Variants in IRX2 observed in about 807,000 individuals in gnomAD.
The protein encoded by IRX2 is iroquois homeobox 2.
Under a neutral mutation model 42.9 loss-of-function variants are expected in IRX2, and 26 were observed. The ratio of observed to expected loss-of-function variants is 0.61; its 90% confidence interval spans 0.44 to 0.84. The LOEUF (loss-of-function observed/expected upper bound fraction) is 0.84. Ranked by LOEUF, IRX2 falls within the 40% of genes least tolerant of loss-of-function variation. The pLI, the probability that IRX2 is intolerant of heterozygous loss-of-function variation, is 0.00. For synonymous variants in IRX2, 424 were observed against 353.9 expected, an observed-to-expected ratio of 1.20 and a Z score of -2.22; for missense variants, 782 against 713.9, an observed-to-expected ratio of 1.10 and a Z score of -1.09.
At position 2,748,816 on chromosome 5, in the gene IRX2, G is replaced by A. The variant is rs1560949733; in HGVS notation, c.892C>T (p.Pro298Ser). The A allele has an allele frequency of 5.3e-6, 8 of 1,497,436 alleles. No individual in the cohort carries two copies. Among genetic ancestry groups the A allele is most frequent in the Non-Finnish European group, 7.1e-6 (8 of 1,133,824 alleles). 92.8% of individuals were successfully genotyped at this position (1,497,436 alleles called of 1,614,324 possible). ...LTGLEAPLLSPPPEAAPRGGR... is the reference protein window; with the variant it reads ...LTGLEAPLLSSPPEAAPRGGR... ...CCGCGGGGCGCGGCCTCGGGCGGGG[G>A]GCTCAGCAGCGGCGCCTCCAAGCCG... Residue 298 changes from proline (P) to serine (S), a missense_variant, in exon 3 of 4, where the codon CCC (proline) becomes TCC (serine). Physicochemically the swap from Pro to Ser is moderately conservative, Grantham distance 74. This residue lies in a region of IRX2 where 520 missense variants were observed against 437.8 expected (regional missense o/e 1.19). Coordinates refer to ENST00000302057, the MANE Select transcript of IRX2 (RefSeq NM_033267.5).
chr5:2,751,416 TGGGCGCG>T lies in IRX2; in HGVS notation c.-10_-4del, dbSNP rs754479111. ...AGGTAGCCCTGCGGGTAGGACATGG[TGGGCGCG>T]GGGCGCGGGGCCCGCGTCACGCCGA... On this transcript the variant is annotated 5_prime_UTR_variant, in exon 1 of 4. Coordinates refer to ENST00000302057, the MANE Select transcript of IRX2 (RefSeq NM_033267.5). The surrounding 1 kb of genome is among the most constrained non-coding windows in gnomAD (Gnocchi z 4.0). The T allele has an allele frequency of 1.1e-5, 15 of 1,326,370 alleles. No homozygotes were observed. The highest frequency in any genetic ancestry group is 2.9e-4 in the Middle Eastern group (1 of 3,480). The allele number at this position is 1,326,370 out of a possible 1,614,324, so 82.2% of individuals were successfully genotyped here.
chr5:2,744,425 G>C (rs1481078654), downstream of IRX2, among the ~76,000 whole-genome samples: 1 of 152,092 alleles, frequency 6.6e-6, no homozygotes, highest in Non-Finnish European at 1.5e-5. Context: ...TTTATTTCCT[G>C]CTGATTTAGG....
At chr5:2,744,073 C>CGTGTGT (rs10547927), downstream of IRX2, among the ~76,000 whole-genome samples, 434 of 140,164 alleles carry the variant, frequency 3.1e-3, 4 homozygotes, top group East Asian at 4.9e-3. Context: ...AGAATGGAGT[C>CGTGTGT]GTGTGTGTGT....
the IRX2 span, among the ~76,000 whole-genome samples, chr5:2,738,385 AT>A: frequency 1.3e-5 from 2 of 152,156 alleles, no homozygotes; most frequent in Non-Finnish European, 2.9e-5. Flanking sequence ...TATAAAACAA[AT>A]TGTTTTTCCA....
At chr5:2,739,026 C>T in the IRX2 span, among the ~76,000 whole-genome samples, 1 of 152,236 alleles carries the variant, frequency 6.6e-6, no homozygotes, top group Non-Finnish European at 1.5e-5. Flanking sequence ...CCGCTGACTC[C>T]GCTGTGTCCC....
At chr5:2,735,925 T>C in the IRX2 span, among the ~76,000 whole-genome samples, 1 of 152,170 alleles carries the variant, frequency 6.6e-6, no homozygotes, top group African/African-American at 2.4e-5. Context: ...GAGGTTAAAA[T>C]GAAGTAGAAA....
Position 2,748,966 on chromosome 5 carries a change from G to C in IRX2, c.742C>G (p.Pro248Ala). ...GEKLPCRAGD[P>A]LCESGSECKD... Reference sequence around the variant, plus strand: ...CACTCCGAGCCCGATTCGCACAGGGGGTCCCCGGCGCGGCACGGAAGCTTC... The same window carrying C: ...CACTCCGAGCCCGATTCGCACAGGGCGTCCCCGGCGCGGCACGGAAGCTTC... Residue 248 changes from proline to alanine, a missense_variant, in exon 3 of 4, where the codon CCC becomes GCC. Pro to Ala is a conservative substitution (Grantham distance 27). Around this residue, in one of 3 missense-constraint regions of IRX2, gnomAD observed 520 missense variants for 437.8 expected, o/e 1.19. Coordinates refer to ENST00000302057, the MANE Select transcript of IRX2 (RefSeq NM_033267.5). 6.3e-7 allele frequency: 1 copy of C among 1,597,166 alleles called. No homozygotes were observed. The highest frequency in any genetic ancestry group is 8.5e-7 in the Non-Finnish European group (1 of 1,179,434).
chr5:2,744,419 T>C (rs981822042), downstream of IRX2, among the ~76,000 whole-genome samples: 1 of 152,208 alleles, frequency 6.6e-6, no homozygotes, highest in African/African-American at 2.4e-5. Flanking sequence ...GTGCAATTTA[T>C]TTCCTGCTGA....
At chr5:2,748,012 A>C (rs1037634666) in intron 3 of IRX2, among the ~76,000 whole-genome samples, 2 of 152,338 alleles carry the variant, frequency 1.3e-5, no homozygotes, top group South Asian at 4.2e-4. Context: ...CCTTAACAAG[A>C]CACCGAAACA....
At chr5:2,748,096 C>T (rs1281946168) in intron 3 of IRX2, among the ~76,000 whole-genome samples, 2 of 152,058 alleles carry the variant, frequency 1.3e-5, no homozygotes, top group East Asian at 3.9e-4. Context: ...ACTAAGACAG[C>T]CACGATAGTA....
chr5:2,736,557 A>C, the IRX2 span: 1 of 152,228 alleles, frequency 6.6e-6, no homozygotes, highest in African/African-American at 2.4e-5. Flanking sequence ...ATTTGCTATC[A>C]ATTTTTGATG....
the IRX2 span, chr5:2,736,753 C>T: frequency 1.3e-5 from 2 of 152,036 alleles, no homozygotes; most frequent in African/African-American, 4.8e-5. Flanking sequence ...TATTTTTTTG[C>T]AAATCCTAAC....
At chr5:2,736,244 C>G in the IRX2 span, among the ~76,000 whole-genome samples, 1 of 152,198 alleles carries the variant, frequency 6.6e-6, no homozygotes, top group Non-Finnish European at 1.5e-5. Context: ...GCCTTGCCCT[C>G]CACTGGGCCC....
rs1234401603 is a variant in IRX2 at position 2,747,293 on chromosome 5, A to C, written c.*271T>G. 1.3e-5 allele frequency: 3 copies of C among 231,014 alleles called. No homozygotes were observed. Among genetic ancestry groups the C allele is most frequent in the Non-Finnish European group, 2.5e-5 (3 of 121,414 alleles). 14.3% of individuals were successfully genotyped at this position (231,014 alleles called of 1,614,324 possible). A position where few individuals can be genotyped will look rare whatever the true frequency, so the allele number is the denominator to read the frequency against. On this transcript the variant is annotated 3_prime_UTR_variant, in exon 4 of 4. Coordinates refer to ENST00000302057, the MANE Select transcript of IRX2 (RefSeq NM_033267.5). ...ATATATATACATATATATATTACAC[A>C]CACACACACACACATATATATATAT...
Position 2,746,344 on chromosome 5 carries a change from A to G in IRX2, c.*1220T>C, listed in dbSNP as rs922646941. On this transcript the variant is annotated 3_prime_UTR_variant, in exon 4 of 4. Transcript: ENST00000302057. Reference sequence around the variant, plus strand: ...ACTTGCATAAATTACTAGAAGCTTTATATCATTATAAAAATAAATATCAAA... The same window carrying G: ...ACTTGCATAAATTACTAGAAGCTTTGTATCATTATAAAAATAAATATCAAA... 1.3e-5 allele frequency: 2 copies of G among 152,230 alleles called. No individual in the cohort carries two copies. Among genetic ancestry groups the G allele is most frequent in the Admixed American group, 1.3e-4 (2 of 15,280 alleles). 9.4% of individuals were successfully genotyped at this position (152,230 alleles called of 1,614,324 possible).
rs1438215021 is a variant in IRX2 at position 2,748,342 on chromosome 5, T to C, written c.1363+3A>G. On this transcript the variant is annotated splice_donor_region_variant and intron_variant, in intron 3 of 3. Transcript: ENST00000302057. ...CGGGCGCCGCCGGCCGCGGGCCGCC[T>C]ACCTTTCTTGGGCTCGTAGCCGCCG... 7.0e-7 allele frequency: 1 copy of C among 1,419,610 alleles called. No homozygotes were observed. Among genetic ancestry groups the C allele is most frequent in the Non-Finnish European group, 9.1e-7 (1 of 1,096,900 alleles). The allele number at this position is 1,419,610 out of a possible 1,614,324, so 87.9% of individuals were successfully genotyped here. A position where few individuals can be genotyped will look rare whatever the true frequency, so the allele number is the denominator to read the frequency against.
At chr5:2,745,939 T>C (rs80004841), downstream of IRX2, 16 of 152,020 alleles carry the variant, frequency 1.1e-4, no homozygotes, top group Non-Finnish European at 2.1e-4. Context: ...TGTTTTTTGG[T>C]TTTTTTGCAA....
chr5:2,741,119 C>T (rs974917415), downstream of IRX2, among the ~76,000 whole-genome samples: 2 of 152,262 alleles, frequency 1.3e-5, no homozygotes, highest in African/African-American at 4.8e-5. Flanking sequence ...CGGACCGCAA[C>T]GCCGCTATTA....
chr5:2,750,914 C>T (rs539397952), intron 1 of IRX2, among the ~76,000 whole-genome samples: 1 of 152,092 alleles, frequency 6.6e-6, no homozygotes, highest in South Asian at 2.1e-4. Context: ...AATCAGCCGG[C>T]GAGCCGAGGG....
Sources: gnomAD v4.1 joint callset for allele counts (sites outside exome capture counted in the v4.1 genomes callset) on GRCh38, gnomAD v4.1.1 for gene constraint, gnomAD v4.1.1 regional missense constraint, Gnocchi (gnomAD v3.1) non-coding constraint, MANE v1.5 for transcripts, NCBI Gene and HGNC (gene_info 2026-07-23, HGNC 2026-07-21) for gene names.